Variants in MS4A8 observed in about 807,000 individuals in gnomAD.
The protein encoded by MS4A8 is membrane-spanning 4-domains subfamily A member 8.
Under a neutral mutation model 23.7 loss-of-function variants are expected in MS4A8, and 27 were observed. The ratio of observed to expected loss-of-function variants is 1.14; its 90% confidence interval spans 0.84 to 1.57. The LOEUF (loss-of-function observed/expected upper bound fraction) is 1.57. Among genes scored for constraint, MS4A8 ranks in the 40% most tolerant of loss-of-function variants. The pLI, the probability that MS4A8 is intolerant of heterozygous loss-of-function variation, is 0.00. For synonymous variants in MS4A8, 138 were observed against 126.3 expected, an observed-to-expected ratio of 1.09 and a Z score of -0.62; for missense variants, 301 against 311.4, an observed-to-expected ratio of 0.97 and a Z score of 0.25.
chr11:60,707,309 C>CAAGA (rs1554965097), intron 4 of MS4A8, among the ~76,000 whole-genome samples: 62 of 147,656 alleles, frequency 4.2e-4, no homozygotes, highest in African/African-American at 1.5e-3. Flanking sequence ...GTATGGAGAG[C>CAAGA]GAGAGAGAGA....
At chr11:60,713,427 G>GTGAACAAATGTCTCTGCATCA (rs1299018617) in intron 5 of MS4A8, among the ~76,000 whole-genome samples, 1 of 152,144 alleles carries the variant, frequency 6.6e-6, no homozygotes, top group Non-Finnish European at 1.5e-5. Flanking sequence ...AGGTAAACAC[G>GTGAACAAATGTCTCTGCATCA]TGAACAAATG....
At position 60,703,602 on chromosome 11, in the gene MS4A8, A is replaced by C. The variant is rs961069305; in HGVS notation, c.342+102A>C. The stretch of plus-strand genomic sequence containing the variant: ...CAGCTGTGCCCTGCAGAAGGTTCCC[A>C]GCCACCCAAATGTGGGGGATAGGAA... On this transcript the variant is annotated intron_variant, in intron 3 of 6. Transcript: ENST00000300226. 5.7e-6 allele frequency: 8 copies of C among 1,397,680 alleles called. No homozygotes were observed. The African/African-American group carries it at 1.2e-4, about 21-fold the overall frequency. The allele number at this position is 1,397,680 out of a possible 1,614,324, so 86.6% of individuals were successfully genotyped here.
intron 5 of MS4A8, 66 bp downstream of exon 5, chr11:60,708,847 A>C (rs554778778): frequency 1.3e-6 from 2 of 1,595,290 alleles, no homozygotes; most frequent in South Asian, 2.2e-5. Flanking sequence ...AAACTCCCAG[A>C]AAGGGCTTGA....
intron 2 of MS4A8, 103 bp from the exon 3 acceptor site, chr11:60,703,275 T>C (rs1188285064): frequency 2.3e-6 from 3 of 1,316,600 alleles, no homozygotes; most frequent in East Asian, 3.0e-5. Flanking sequence ...TATTACTTTT[T>C]AGACCATGAA....
intron 5 of MS4A8, among the ~76,000 whole-genome samples, chr11:60,711,160 C>T (rs1317419785): frequency 6.6e-6 from 1 of 152,226 alleles, no homozygotes. Context: ...TTTGGTTTCA[C>T]TCACTGTCAT....
chr11:60,703,463 C>T lies in MS4A8; in HGVS notation c.305C>T (p.Ser102Leu). The part of the protein sequence containing the change: ...TVLVGEYLSI[S>L]FYGGFPFWGG... ...CTCGTAGGGGAATACCTGTCTATTT[C>T]ATTCTACGGAGGCTTTCCCTTCTGG... Residue 102 changes from serine to leucine, a missense_variant, in exon 3 of 7, where the codon TCA becomes TTA. Physicochemically the swap from Ser to Leu is moderately radical, Grantham distance 145. Coordinates refer to ENST00000300226, the MANE Select transcript of MS4A8 (RefSeq NM_031457.2). The T allele has an allele frequency of 6.2e-7, 1 of 1,608,942 alleles. No homozygotes were observed. Among genetic ancestry groups the T allele is most frequent in the Non-Finnish European group, 8.5e-7 (1 of 1,178,064 alleles).
intron 5 of MS4A8, chr11:60,712,164 C>A (rs2088305994): frequency 3.7e-6 from 1 of 269,256 alleles, no homozygotes; most frequent in Non-Finnish European, 6.5e-6. Context: ...ACATCCTGCA[C>A]TCCCCTTTTC....
intron 5 of MS4A8, chr11:60,712,121 T>C: frequency 3.6e-6 from 1 of 280,948 alleles, no homozygotes; most frequent in Non-Finnish European, 6.8e-6. Context: ...CCCAGGCCAT[T>C]CTACTCTAAG....
chr11:60,715,347 C>A lies in MS4A8; in HGVS notation c.686C>A (p.Pro229Gln). The A allele has an allele frequency of 3.7e-6, 6 of 1,614,086 alleles. No individual in the cohort carries two copies. The highest frequency in any genetic ancestry group is 5.1e-6 in the Non-Finnish European group (6 of 1,180,010). ...TATCCAAACATCTATGCAGCAAACC[C>A]AGTGATCACCCCAGAACCGGTGACC... ...VIYPNIYAANPVITPEPVTSP... is the reference protein window; with the variant it reads ...VIYPNIYAANQVITPEPVTSP... Residue 229 changes from proline (P) to glutamine (Q), a missense_variant, in exon 7 of 7, where the codon CCA becomes CAA. Coordinates refer to ENST00000300226, the MANE Select transcript of MS4A8 (RefSeq NM_031457.2).
At chr11:60,714,766 C>T (rs1470729837) in intron 5 of MS4A8, among the ~76,000 whole-genome samples, 1 of 152,184 alleles carries the variant, frequency 6.6e-6, no homozygotes, top group African/African-American at 2.4e-5. Flanking sequence ...CCCAAAGCAA[C>T]CTATCAAGGG....
At chr11:60,714,987 G>A (rs371572438) in intron 5 of MS4A8, 34 bp from the exon 6 acceptor site, 7 of 1,496,544 alleles carry the variant, frequency 4.7e-6, no homozygotes, top group African/African-American at 2.8e-5. Context: ...TCCCAGTCCC[G>A]TGCTCCTGTC....
At position 60,702,751 on chromosome 11, in the gene MS4A8, T is replaced by C. The variant is rs117261858; in HGVS notation, c.220-627T>C. On this transcript the variant is annotated intron_variant, in intron 2 of 6. Coordinates refer to ENST00000300226, the MANE Select transcript of MS4A8 (RefSeq NM_031457.2). Reference sequence around the variant, plus strand: ...ATCATATTGGATTGGAGACCCACTCTACTCCAGTGTGACCTCATCTTGGCT... The same window carrying C: ...ATCATATTGGATTGGAGACCCACTCCACTCCAGTGTGACCTCATCTTGGCT... Among the ~76,000 whole-genome samples, 300 of 152,316 alleles carry C rather than the reference T, an allele frequency of 2.0e-3. 4 individuals carry two copies. In the East Asian group the frequency reaches 0.045, roughly 23 times the overall value.
At chr11:60,712,798 AAAAAAAATT>A (rs2088310927) in intron 5 of MS4A8, among the ~76,000 whole-genome samples, 1 of 152,062 alleles carries the variant, frequency 6.6e-6, no homozygotes, top group South Asian at 2.1e-4. Context: ...TCTCAAAAAA[AAAAAAAATT>A]AAAAAATCAT....
chr11:60,710,325 A>G (rs1025185811), intron 5 of MS4A8, among the ~76,000 whole-genome samples: 1 of 152,156 alleles, frequency 6.6e-6, no homozygotes, highest in Non-Finnish European at 1.5e-5. Flanking sequence ...TAGTTCATAC[A>G]TCCAAGTCTG....
intron 5 of MS4A8, chr11:60,712,585 G>A (rs892781320): frequency 7.0e-5 from 52 of 740,734 alleles, no homozygotes; most frequent in Non-Finnish European, 7.2e-5. Flanking sequence ...CTTGAGCTCA[G>A]GAGTTCAAGA....
At chr11:60,710,924 CCT>C (rs2088295287) in intron 5 of MS4A8, among the ~76,000 whole-genome samples, 1 of 152,264 alleles carries the variant, frequency 6.6e-6, no homozygotes, top group East Asian at 1.9e-4. Context: ...CCCACAGCTT[CCT>C]CTGTCCCTTC....
intron 4 of MS4A8, among the ~76,000 whole-genome samples, chr11:60,708,255 T>C (rs1009592019): frequency 6.6e-6 from 1 of 152,178 alleles, no homozygotes; most frequent in African/African-American, 2.4e-5. Flanking sequence ...AGATCTAAAG[T>C]CCTCATTAAA....
intron 6 of MS4A8, 73 bp from the exon 7 acceptor site, chr11:60,715,237 T>C: frequency 6.7e-7 from 1 of 1,495,662 alleles, no homozygotes; most frequent in Non-Finnish European, 9.3e-7. Flanking sequence ...CAGGAGTAGT[T>C]CCTCGGTGTC....
chr11:60,714,887 T>C, intron 5 of MS4A8, 134 bp from the exon 6 acceptor site: 3 of 657,298 alleles, frequency 4.6e-6, no homozygotes, highest in Non-Finnish European at 8.3e-6. Flanking sequence ...CGGTGGGAAA[T>C]TTCCCCCCAC....
Sources: allele counts gnomAD v4.1 joint callset (sites outside exome capture counted in the v4.1 genomes callset), GRCh38; gene constraint gnomAD v4.1.1; transcripts MANE v1.5; gene names NCBI Gene and HGNC (gene_info 2026-07-23, HGNC 2026-07-21).